The following NEK6 variants were observed in gnomAD, a reference collection of about 807,000 sequenced individuals.
The protein encoded by NEK6 is NIMA related kinase 6, also known as serine/threonine-protein kinase Nek6.
A neutral mutation model predicts 43.5 loss-of-function variants in NEK6; 27 were observed. The observed-to-expected ratio is 0.62, with a 90% CI of 0.46 to 0.86. The LOEUF is 0.86. NEK6 is among the 40% of genes least tolerant of loss of function. NEK6 has a pLI of 0.00. For synonymous variants in NEK6, 167 were observed against 164.1 expected (o/e 1.02, Z -0.14); for missense variants, 318 against 414.4 (o/e 0.77, Z 2.02).
At chr9:124,278,740 G>T (rs538586281) in intron 1 of NEK6, among the ~76,000 whole-genome samples, 5 of 152,316 alleles carry the variant, frequency 3.3e-5, no homozygotes, top group African/African-American at 1.2e-4. Context: ...ACATTATACA[G>T]CTGGGGAGAC....
intron 7 of NEK6, 100 bp from the exon 8 acceptor site, chr9:124,339,469 ATC>A (rs1829474796): frequency 2.5e-6 from 2 of 798,778 alleles, no homozygotes; most frequent in South Asian, 2.9e-5. Context: ...CCGAGGCACA[ATC>A]TCTCCCCAGC....
In NEK6 at chr9:124,306,744, C is replaced by T. The variant is rs552961619; in HGVS notation, c.90+4690C>T. ...GCAGATCGTGAGGAGCTGAGCTGGGCTGGCCTCAGAAGAAGTCTGACAATG... is the reference window on the plus strand; with the variant it reads ...GCAGATCGTGAGGAGCTGAGCTGGGTTGGCCTCAGAAGAAGTCTGACAATG... On this transcript the variant is annotated intron_variant, in intron 2 of 9. Coordinates refer to ENST00000320246, the MANE Select transcript of NEK6 (RefSeq NM_014397.6). Among the ~76,000 whole-genome samples, 8 of 152,310 alleles carry T rather than the reference C, an allele frequency of 5.3e-5. No individual in the cohort carries two copies. In the East Asian group the frequency reaches 1.5e-3, roughly 29 times the overall value.
chr9:124,346,811 C>T (rs1014457271), intron 8 of NEK6, among the ~76,000 whole-genome samples: 21 of 152,320 alleles, frequency 1.4e-4, no homozygotes, highest in East Asian at 1.9e-4. Flanking sequence ...AGGAGGCCAC[C>T]GCCCCACAGG....
At chr9:124,281,456 G>A (rs1831900612) in intron 1 of NEK6, among the ~76,000 whole-genome samples, 1 of 150,326 alleles carries the variant, frequency 6.7e-6, no homozygotes, top group Non-Finnish European at 1.5e-5. Flanking sequence ...GCCTGGCTTG[G>A]CATAGCTACT....
intron 2 of NEK6, among the ~76,000 whole-genome samples, chr9:124,304,129 T>C (rs776427893): frequency 5.9e-5 from 9 of 152,322 alleles, no homozygotes; most frequent in Non-Finnish European, 1.2e-4. Flanking sequence ...GTTTGCAGAA[T>C]GGGGGCGCAA....
At chr9:124,321,413 C>T (rs1389005097) in intron 4 of NEK6, 46 bp from the exon 5 acceptor site, 5 of 1,317,140 alleles carry the variant, frequency 3.8e-6, no homozygotes, top group Non-Finnish European at 5.5e-6. Context: ...CTGGGTCTGT[C>T]CCGTCTTCAC....
At chr9:124,308,624 C>T (rs1370233877) in intron 2 of NEK6, among the ~76,000 whole-genome samples, 2 of 150,686 alleles carry the variant, frequency 1.3e-5, no homozygotes, top group African/African-American at 4.9e-5. Flanking sequence ...CCACAGCGCT[C>T]CAGCCTGGGT....
chr9:124,339,729 A>C, intron 8 of NEK6, 64 bp downstream of exon 8: 1 of 1,192,122 alleles, frequency 8.4e-7, no homozygotes, highest in Non-Finnish European at 1.3e-6. Context: ...CCCAGTTAGG[A>C]CAGGGCTCAC....
chr9:124,320,609 T>A (rs1298193145), intron 4 of NEK6, among the ~76,000 whole-genome samples: 1 of 152,222 alleles, frequency 6.6e-6, no homozygotes, highest in Non-Finnish European at 1.5e-5. Flanking sequence ...ACAGTCAGCT[T>A]TGTTATGAAC....
At chr9:124,290,966 G>A (rs1001709528) in intron 1 of NEK6, among the ~76,000 whole-genome samples, 6 of 152,206 alleles carry the variant, frequency 3.9e-5, no homozygotes, top group Admixed American at 2.6e-4. Context: ...GCAGGGTCCC[G>A]AAGGGAAGAC....
intron 9 of NEK6, among the ~76,000 whole-genome samples, chr9:124,348,777 A>G (rs1286742090): frequency 6.6e-6 from 1 of 152,150 alleles, no homozygotes; most frequent in Non-Finnish European, 1.5e-5. Context: ...CCGTGGGCCC[A>G]CCCCATAGGA....
chr9:124,338,576 GTTTCC>G (rs1829408708), intron 7 of NEK6, among the ~76,000 whole-genome samples: 1 of 152,194 alleles, frequency 6.6e-6, no homozygotes, highest in Non-Finnish European at 1.5e-5. Context: ...CCTTACACAC[GTTTCC>G]TTTTTGGTTA....
chr9:124,294,168 C>G (rs1025401993), intron 1 of NEK6, among the ~76,000 whole-genome samples: 14 of 152,168 alleles, frequency 9.2e-5, no homozygotes, highest in Non-Finnish European at 2.1e-4. Flanking sequence ...TAGTTCGAGA[C>G]CAGCCTGACC....
At chr9:124,273,253 C>T (rs1028078508) in intron 1 of NEK6, among the ~76,000 whole-genome samples, 1 of 152,166 alleles carries the variant, frequency 6.6e-6, no homozygotes, top group Non-Finnish European at 1.5e-5. Flanking sequence ...CCTGCTCTGT[C>T]TGCCATCATC....
chr9:124,290,833 C>T (rs923120947), intron 1 of NEK6, among the ~76,000 whole-genome samples: 12 of 152,248 alleles, frequency 7.9e-5, no homozygotes, highest in African/African-American at 1.9e-4. Context: ...GACCTGGCCC[C>T]GCCAGAAGCA....
intron 7 of NEK6, among the ~76,000 whole-genome samples, chr9:124,339,081 T>C (rs1437854545): frequency 1.5e-5 from 2 of 137,856 alleles, no homozygotes; most frequent in African/African-American, 2.7e-5. Flanking sequence ...CAGGCTGGAG[T>C]GCAGTGGCGC....
Position 124,343,250 on chromosome 9 carries a change from G to A in NEK6, c.717+3585G>A, listed in dbSNP as rs1472116995. On this transcript the variant is annotated intron_variant, in intron 8 of 9. Transcript: ENST00000320246. This position sits in a 1 kb window ranked among gnomAD's most constrained non-coding sequence, Gnocchi z 5.1. ...CCGGGGGGCGGTGAGGGGACGGATCGCAGCCGGGGGGTGGTACGGGGGATG... is the reference window on the plus strand; with the variant it reads ...CCGGGGGGCGGTGAGGGGACGGATCACAGCCGGGGGGTGGTACGGGGGATG... 1.4e-5 allele frequency among the ~76,000 whole-genome samples: 2 copies of A among 145,020 alleles called. No individual in the cohort carries two copies. The highest frequency in any genetic ancestry group is 1.5e-5 in the Non-Finnish European group (1 of 65,720).
intron 1 of NEK6, among the ~76,000 whole-genome samples, chr9:124,276,128 G>A (rs1831641375): frequency 6.6e-6 from 1 of 152,096 alleles, no homozygotes; most frequent in Non-Finnish European, 1.5e-5. Context: ...AGAGTGGGGA[G>A]AAGTGGGGAG....
At position 124,292,979 on chromosome 9, in the gene NEK6, C is replaced by G; in HGVS notation, c.-29-8957C>G. 2 of 1,575,964 alleles carry G rather than the reference C, an allele frequency of 1.3e-6. No individual in the cohort carries two copies. The highest frequency in any genetic ancestry group is 3.6e-5 in the Admixed American group (2 of 55,118). The stretch of plus-strand genomic sequence containing the variant: ...AAGTTTGCTGGGAGGCAGCTCATTT[C>G]CGGCAGGAGGAGCAGAGCCTGCCAA... On this transcript the variant is annotated intron_variant, in intron 1 of 9. Coordinates refer to ENST00000320246, the MANE Select transcript of NEK6 (RefSeq NM_014397.6).
Sources: allele counts gnomAD v4.1 joint callset (sites outside exome capture counted in the v4.1 genomes callset), GRCh38; gene constraint gnomAD v4.1.1; non-coding constraint Gnocchi (gnomAD v3.1); transcripts MANE v1.5; gene names NCBI Gene and HGNC (gene_info 2026-07-23, HGNC 2026-07-21).